TNRC6B: variants seen among roughly 807,000 people sequenced by gnomAD.
TNRC6B encodes trinucleotide repeat-containing gene 6B protein.
Under a neutral mutation model 203.6 loss-of-function variants are expected in TNRC6B, and 52 were observed. That is an observed-to-expected ratio of 0.26 (90% confidence interval 0.20 to 0.32). The LOEUF is 0.32. TNRC6B is among the 10% of genes least tolerant of loss of function. TNRC6B has a pLI of 1.00. For missense variants in TNRC6B, 1,923 were observed against 2,286.2 expected, an observed-to-expected ratio of 0.84 and a Z score of 3.24; for synonymous variants, 838 against 845.7, an observed-to-expected ratio of 0.99 and a Z score of 0.16.
chr22:40,229,639 A>G (rs1411731651), intron 1 of TNRC6B, among the ~76,000 whole-genome samples: 4 of 152,064 alleles, frequency 2.6e-5, no homozygotes, highest in Non-Finnish European at 4.4e-5. Context: ...CACCCCAGAT[A>G]ACCATTGATG....
rs1233386047 is a variant in TNRC6B, at chr22:40,273,499, G to A, written c.3040G>A (p.Glu1014Lys). 2 of 1,605,360 alleles carry A rather than the reference G, an allele frequency of 1.2e-6. No homozygotes were observed. ...VTGARHPSWE[E>K]EEDGGVWNTT... is the part of the protein sequence containing the mutation. ...AGGAGCTCGCCATCCCAGCTGGGAA[G>A]AGGAGGAGGATGGAGGAGTCTGGAA... The change falls in exon 7 of 23, where the codon GAG becomes AAG. Residue 1014 changes from glutamate to lysine, a missense_variant. Transcript: ENST00000454349.
In TNRC6B at chr22:40,262,125, G is replaced by A. The variant is rs527289260; in HGVS notation, c.409G>A (p.Ala137Thr). 33 of 1,497,428 alleles carry A rather than the reference G, an allele frequency of 2.2e-5. No individual in the cohort carries two copies. The highest frequency in any genetic ancestry group is 7.3e-5 in the Admixed American group (4 of 54,454). 92.8% of individuals were successfully genotyped at this position (1,497,428 alleles called of 1,614,324 possible). A position where few individuals can be genotyped will look rare whatever the true frequency, so the allele number is the denominator to read the frequency against. ...AGCACCTGGAGCAAACCCAAACAACGCACAAGTGACAGGAGCGCTGCTGCA... is the reference window on the plus strand; with the variant it reads ...AGCACCTGGAGCAAACCCAAACAACACACAAGTGACAGGAGCGCTGCTGCA... ...CTAPGANPNN[A>T]QVTGALLQSE... The change falls in exon 4 of 23, where the codon GCA (alanine) becomes ACA (threonine). Residue 137 changes from alanine (A) to threonine (T), a missense_variant. Physicochemically the swap from Ala to Thr is moderately conservative, Grantham distance 58 (BLOSUM62 0). This residue lies in a region of TNRC6B where 614 missense variants were observed against 587.7 expected (regional missense o/e 1.04). Coordinates refer to ENST00000454349, the MANE Select transcript of TNRC6B (RefSeq NM_001162501.2).
chr22:40,257,212 T>C (rs2070293351), intron 3 of TNRC6B, among the ~76,000 whole-genome samples: 1 of 152,264 alleles, frequency 6.6e-6, no homozygotes, highest in African/African-American at 2.4e-5. Context: ...TAGTTTGTAC[T>C]AGTTCTGTGC....
intron 1 of TNRC6B, among the ~76,000 whole-genome samples, chr22:40,110,000 T>C (rs9611267): frequency 0.24 from 36,250 of 152,144 alleles, 4,730 homozygotes; most frequent in African/African-American, 0.32. Flanking sequence ...TTCAACTCAC[T>C]GGTTAATTGG....
intron 1 of TNRC6B, among the ~76,000 whole-genome samples, chr22:40,103,935 G>A (rs989864707): frequency 6.7e-6 from 1 of 148,798 alleles, no homozygotes; most frequent in Non-Finnish European, 1.5e-5. Flanking sequence ...GAGCCACCGC[G>A]CCCAGCCAAG....
intron 1 of TNRC6B, among the ~76,000 whole-genome samples, chr22:40,234,215 G>C (rs971430484): frequency 5.3e-5 from 8 of 152,302 alleles, no homozygotes; most frequent in Non-Finnish European, 1.2e-4. Context: ...AAGCCCAGGA[G>C]TTTGAGGCTG....
intron 1 of TNRC6B, among the ~76,000 whole-genome samples, chr22:40,075,887 C>G (rs759633074): frequency 4.6e-5 from 7 of 152,166 alleles, no homozygotes; most frequent in Non-Finnish European, 1.0e-4. Context: ...AGTGCACTTT[C>G]ATTTTCCCAT....
chr22:40,108,345 A>T (rs2068304673), intron 1 of TNRC6B, among the ~76,000 whole-genome samples: 1 of 152,210 alleles, frequency 6.6e-6, no homozygotes, highest in Admixed American at 6.5e-5. Context: ...TCTGAGATTC[A>T]CCACGGAGGT....
At chr22:40,210,614 A>G (rs991210506) in intron 1 of TNRC6B, among the ~76,000 whole-genome samples, 2 of 152,226 alleles carry the variant, frequency 1.3e-5, no homozygotes, top group African/African-American at 2.4e-5. Context: ...CATTTACACT[A>G]TTTAAGTTTG....
intron 1 of TNRC6B, among the ~76,000 whole-genome samples, chr22:40,094,962 G>A (rs79292037): frequency 0.013 from 1,953 of 152,122 alleles, 38 homozygotes; most frequent in African/African-American, 0.037. Context: ...AGTATGTCTC[G>A]GAGAGCATGT....
At chr22:40,237,395 C>T (rs1451056289) in intron 1 of TNRC6B, among the ~76,000 whole-genome samples, 1 of 152,286 alleles carries the variant, frequency 6.6e-6, no homozygotes, top group South Asian at 2.1e-4. Context: ...GGAAAGCAGG[C>T]AGCACTGCAT....
intron 3 of TNRC6B, among the ~76,000 whole-genome samples, chr22:40,126,692 A>C (rs747155927): frequency 2.7e-5 from 4 of 148,238 alleles, no homozygotes; most frequent in Non-Finnish European, 5.9e-5. Context: ...CCAGGCTCAA[A>C]CCATCCTCCC....
chr22:40,125,951 C>T lies in TNRC6B; in HGVS notation c.45+89C>T, dbSNP rs1601827845. The stretch of plus-strand genomic sequence containing the variant: ...AGAATGGGTATTTCATTTTACATGA[C>T]TGTAAAAATTCGATTGAGTTAAATT... On this transcript the variant is annotated intron_variant, in intron 3 of 23. Coordinates refer to the TNRC6B transcript ENST00000301923. 4.6e-6 allele frequency: 6 copies of T among 1,291,494 alleles called. No homozygotes were observed. The East Asian group carries it at 1.5e-4, about 33-fold the overall frequency. 80.0% of individuals were successfully genotyped at this position (1,291,494 alleles called of 1,614,324 possible).
chr22:40,312,672 T>C (rs771087942), intron 18 of TNRC6B, 21 bp downstream of exon 18: 1 of 1,603,508 alleles, frequency 6.2e-7, no homozygotes, highest in East Asian at 2.2e-5. Context: ...AAAGCATCTC[T>C]TATATGTTCA....
chr22:40,131,573 G>A (rs1334464371), intron 3 of TNRC6B, among the ~76,000 whole-genome samples: 1 of 152,092 alleles, frequency 6.6e-6, no homozygotes, highest in Non-Finnish European at 1.5e-5. Flanking sequence ...TATTTATTGA[G>A]CACCTACTGT....
At position 40,130,868 on chromosome 22, in the gene TNRC6B, A is replaced by C. The variant is rs150792935; in HGVS notation, c.45+5006A>C. Among the ~76,000 whole-genome samples the C allele has an allele frequency of 3.8e-3, 582 of 151,348 alleles. 6 individuals carry two copies. The highest frequency in any genetic ancestry group is 0.017 in the Middle Eastern group (5 of 288). The stretch of plus-strand genomic sequence containing the variant: ...ATATCCAGGTAAGTTGTGCAAGTAT[A>C]GATCAGGAGCCCTTATGGATGGGCA... On this transcript the variant is annotated intron_variant, in intron 3 of 23. Transcript: ENST00000301923.
chr22:40,045,180 C>T (rs1175581230), intron 1 of TNRC6B, among the ~76,000 whole-genome samples: 1 of 142,650 alleles, frequency 7.0e-6, no homozygotes, highest in Non-Finnish European at 1.5e-5. Context: ...GGGAGCGGGC[C>T]GGGGAGGGGG....
At chr22:40,129,931 C>T (rs901816083) in intron 3 of TNRC6B, among the ~76,000 whole-genome samples, 5 of 152,140 alleles carry the variant, frequency 3.3e-5, no homozygotes, top group African/African-American at 9.7e-5. Context: ...CTAAAAAGAA[C>T]TTACTGGTGT....
intron 1 of TNRC6B, among the ~76,000 whole-genome samples, chr22:40,244,141 A>G (rs1396698121): frequency 6.6e-6 from 1 of 152,194 alleles, no homozygotes; most frequent in East Asian, 1.9e-4. Flanking sequence ...AGAGCCAAAT[A>G]TAACAGGATC....
Sources: gnomAD v4.1 joint callset for allele counts (sites outside exome capture counted in the v4.1 genomes callset) on GRCh38, gnomAD v4.1.1 for gene constraint, gnomAD v4.1.1 regional missense constraint, MANE v1.5 for transcripts, NCBI Gene and HGNC (gene_info 2026-07-23, HGNC 2026-07-21) for gene names.